MTFR1: variants seen among roughly 807,000 people sequenced by gnomAD.
MTFR1 encodes the protein mitochondrial fission regulator 1.
A neutral mutation model predicts 38.8 loss-of-function variants in MTFR1; 28 were observed. The ratio of observed to expected loss-of-function variants is 0.72; its 90% CI spans 0.53 to 0.99. The LOEUF is 0.99. Ranked by LOEUF, MTFR1 falls within the 50% of genes least tolerant of loss-of-function variation. The probability of loss-of-function intolerance (pLI) is 0.00; values close to 1 mark genes in which losing one functional copy is unlikely to be tolerated. For synonymous variants in MTFR1, 145 were observed against 137.0 expected (o/e 1.06, Z -0.41); for missense variants, 358 against 395.5 (o/e 0.91, Z 0.81).
Position 65,708,848 on chromosome 8 carries a change from T to C in MTFR1, c.934-128T>C, listed in dbSNP as rs1240232641. ...CCATCAATTTGTAAAGGTTTTAATA[T>C]TCCCAGTAGTTGCTTGGTTTTTCAT... On this transcript the variant is annotated intron_variant, in intron 7 of 7. Coordinates refer to ENST00000262146, the MANE Select transcript of MTFR1 (RefSeq NM_014637.4). The C allele has an allele frequency of 5.1e-6, 4 of 791,556 alleles. No individual in the cohort carries two copies. The African/African-American group carries it at 6.9e-5, about 14-fold the overall frequency. The allele number at this position is 791,556 out of a possible 1,614,324, so 49.0% of individuals were successfully genotyped here. A position where few individuals can be genotyped will look rare whatever the true frequency, so the allele number is the denominator to read the frequency against.
intron 3 of MTFR1, chr8:65,723,304 A>G (rs1806466849): frequency 3.7e-6 from 1 of 273,346 alleles, no homozygotes; most frequent in East Asian, 7.4e-5. Context: ...TTATTTACAT[A>G]AGAACAGAAA....
At chr8:65,757,012 C>T (rs185986030) in intron 3 of MTFR1, among the ~76,000 whole-genome samples, 1 of 152,308 alleles carries the variant, frequency 6.6e-6, no homozygotes, top group African/African-American at 2.4e-5. Context: ...TCCGTAGGTG[C>T]ACCACTCTCC....
At chr8:65,688,462 T>C (rs1805165156) in intron 3 of MTFR1, among the ~76,000 whole-genome samples, 1 of 148,912 alleles carries the variant, frequency 6.7e-6, no homozygotes, top group Non-Finnish European at 1.5e-5. Flanking sequence ...TTTTTTTTTT[T>C]TTTTGAGACG....
intron 2 of MTFR1, chr8:65,717,728 C>A (rs1806197593): frequency 6.6e-6 from 1 of 152,130 alleles, no homozygotes; most frequent in Non-Finnish European, 1.5e-5. Context: ...CAGCAACAGG[C>A]ACATATTAAA....
intron 3 of MTFR1, among the ~76,000 whole-genome samples, chr8:65,685,540 A>C (rs1243543158): frequency 6.6e-6 from 1 of 152,246 alleles, no homozygotes; most frequent in African/African-American, 2.4e-5. Flanking sequence ...TTTAGTAACC[A>C]AAAAAGTAAT....
intron 1 of MTFR1, among the ~76,000 whole-genome samples, chr8:65,651,306 C>T (rs1809116209): frequency 6.6e-6 from 1 of 152,112 alleles, no homozygotes; most frequent in Admixed American, 6.5e-5. Flanking sequence ...TTGATGTGAT[C>T]TCATTTGTCC....
chr8:65,743,475 C>G (rs897033587), intron 3 of MTFR1, among the ~76,000 whole-genome samples: 8 of 152,278 alleles, frequency 5.3e-5, no homozygotes, highest in Admixed American at 4.6e-4. Context: ...GAGGGTGGCT[C>G]TGCTGATAAA....
At chr8:65,670,861 C>T (rs932292598) in intron 2 of MTFR1, among the ~76,000 whole-genome samples, 5 of 152,012 alleles carry the variant, frequency 3.3e-5, no homozygotes, top group African/African-American at 9.7e-5. Flanking sequence ...CACACCACCA[C>T]GGCCAGCTAA....
At chr8:65,704,629 G>A in intron 4 of MTFR1, 65 bp from the exon 5 acceptor site, 1 of 1,319,218 alleles carries the variant, frequency 7.6e-7, no homozygotes, top group Non-Finnish European at 1.1e-6. Flanking sequence ...ACACTGTCAG[G>A]TGAGGATGGT....
the MTFR1 span, among the ~76,000 whole-genome samples, chr8:65,777,987 C>T: frequency 1.3e-5 from 2 of 152,186 alleles, no homozygotes; most frequent in Non-Finnish European, 2.9e-5. Context: ...TTAAAGACTG[C>T]TCCTGCTACA....
chr8:65,662,418 G>A (rs1454657746), intron 1 of MTFR1, among the ~76,000 whole-genome samples: 2 of 151,168 alleles, frequency 1.3e-5, no homozygotes, highest in African/African-American at 2.4e-5. Flanking sequence ...TGCCCAGGCT[G>A]GAGTGCAGTG....
At chr8:65,694,688 A>G (rs1398360335) in intron 4 of MTFR1, among the ~76,000 whole-genome samples, 1 of 152,216 alleles carries the variant, frequency 6.6e-6, no homozygotes, top group East Asian at 1.9e-4. Flanking sequence ...AAAGGAGATT[A>G]AGAAGGAAAT....
chr8:65,691,015 G>C (rs548957586), intron 3 of MTFR1, among the ~76,000 whole-genome samples: 3 of 152,238 alleles, frequency 2.0e-5, no homozygotes, highest in African/African-American at 7.2e-5. Context: ...CTCAACTCTT[G>C]AGATCAAATA....
intron 3 of MTFR1, chr8:65,765,476 G>A (rs1411050262): frequency 3.0e-5 from 3 of 100,526 alleles, no homozygotes; most frequent in Admixed American, 1.6e-4. Flanking sequence ...GCGACAGAGC[G>A]AGACTCCGTC....
intron 1 of MTFR1, among the ~76,000 whole-genome samples, chr8:65,661,776 C>A (rs564602040): frequency 6.6e-6 from 1 of 152,162 alleles, no homozygotes; most frequent in South Asian, 2.1e-4. Context: ...CCAGCCTGGC[C>A]AACATGGCAA....
At chr8:65,743,032 G>A (rs1049498641) in intron 3 of MTFR1, among the ~76,000 whole-genome samples, 3 of 152,228 alleles carry the variant, frequency 2.0e-5, no homozygotes, top group African/African-American at 7.2e-5. Flanking sequence ...AACTAGCAGA[G>A]TATGTACTTT....
At position 65,710,454 on chromosome 8, in the gene MTFR1, A is replaced by T. The variant is rs1402049442; in HGVS notation, c.*1410A>T. ...GAAAATTCACCTGAAACGTATTTTG[A>T]CCTAAAAGAAACATATTTTTGTATC... On this transcript the variant is annotated 3_prime_UTR_variant, in exon 8 of 8. Coordinates refer to ENST00000262146, the MANE Select transcript of MTFR1 (RefSeq NM_014637.4). The T allele has an allele frequency of 6.6e-6, 1 of 152,616 alleles. No homozygotes were observed. The highest frequency in any genetic ancestry group is 1.5e-5 in the Non-Finnish European group (1 of 68,022). The allele number at this position is 152,616 out of a possible 1,614,324, so 9.5% of individuals were successfully genotyped here.
chr8:65,672,985 C>G (rs1053578444), intron 2 of MTFR1, among the ~76,000 whole-genome samples: 2 of 152,176 alleles, frequency 1.3e-5, no homozygotes, highest in African/African-American at 4.8e-5. Flanking sequence ...ACTGTAGTAG[C>G]ACTTTAAATT....
At chr8:65,698,152 T>C (rs998909764) in intron 4 of MTFR1, among the ~76,000 whole-genome samples, 53 of 148,682 alleles carry the variant, frequency 3.6e-4, no homozygotes, top group Non-Finnish European at 8.8e-5. Flanking sequence ...ATTTTTTTTT[T>C]TCTTTTTTTT....
Sources: gnomAD v4.1 joint callset for allele counts (sites outside exome capture counted in the v4.1 genomes callset) on GRCh38, gnomAD v4.1.1 for gene constraint, MANE v1.5 for transcripts, NCBI Gene and HGNC (gene_info 2026-07-23, HGNC 2026-07-21) for gene names.